Variants in STARD13 observed in about 807,000 individuals in gnomAD.
STARD13 encodes the protein stAR-related lipid transfer protein 13.
STARD13 carries 62 observed loss-of-function variants against 106.4 expected under a neutral mutation model. The ratio of observed to expected loss-of-function variants is 0.58; its 90% CI spans 0.48 to 0.72. The LOEUF (loss-of-function observed/expected upper bound fraction) is 0.72. Among genes scored for constraint, STARD13 ranks in the 30% least tolerant of loss-of-function variants. STARD13 has a pLI of 0.00. For missense variants in STARD13, 1,387 were observed against 1,424.0 expected (o/e 0.97, Z 0.42); for synonymous variants, 565 against 553.0 (o/e 1.02, Z -0.31).
intron 1 of STARD13, among the ~76,000 whole-genome samples, chr13:33,309,734 C>CATAATATT (rs1490891763): frequency 2.0e-5 from 3 of 152,154 alleles, no homozygotes; most frequent in African/African-American, 7.2e-5. Flanking sequence ...TCTTAGACTG[C>CATAATATT]ACATAATATT....
At chr13:33,149,238 A>C (rs1256569881) in intron 3 of STARD13, among the ~76,000 whole-genome samples, 2 of 152,132 alleles carry the variant, frequency 1.3e-5, no homozygotes, top group Non-Finnish European at 2.9e-5. Flanking sequence ...CATTGATTCT[A>C]GAAAATGTAC....
At chr13:33,288,060 C>A (rs771976428), upstream of STARD13, among the ~76,000 whole-genome samples, 1 of 151,762 alleles carries the variant, frequency 6.6e-6, no homozygotes, top group African/African-American at 2.4e-5. Context: ...ATGATTCTTC[C>A]TGAGAAGGAT....
chr13:33,386,369 G>A, the STARD13 span, among the ~76,000 whole-genome samples: 1 of 152,136 alleles, frequency 6.6e-6, no homozygotes, highest in African/African-American at 2.4e-5. Context: ...AGGGGCTCCA[G>A]GAAGAGAAAA....
the STARD13 span, among the ~76,000 whole-genome samples, chr13:33,395,185 C>A: frequency 2.0e-5 from 3 of 152,270 alleles, no homozygotes; most frequent in Middle Eastern, 3.4e-3. Context: ...CTCTATTTGT[C>A]AGTCATAATA....
At chr13:33,342,096 C>T (rs139471165) in intron 1 of STARD13, among the ~76,000 whole-genome samples, 53 of 152,290 alleles carry the variant, frequency 3.5e-4, no homozygotes, top group African/African-American at 1.3e-3. Flanking sequence ...TGCCAGGCCA[C>T]AAATACAAAC....
intron 13 of STARD13, among the ~76,000 whole-genome samples, chr13:33,106,070 A>G (rs982084532): frequency 6.6e-6 from 1 of 152,244 alleles, no homozygotes; most frequent in Non-Finnish European, 1.5e-5. Flanking sequence ...GGTTGGATGT[A>G]AGTTACTTAC....
At chr13:33,182,335 A>G (rs2555616) in intron 1 of STARD13, among the ~76,000 whole-genome samples, 57,076 of 152,078 alleles carry the variant, frequency 0.38, 10,875 homozygotes, top group East Asian at 0.5. Context: ...ACACAGTTCT[A>G]TGAGTCTGAC....
chr13:33,367,156 A>G, the STARD13 span, among the ~76,000 whole-genome samples: 10 of 152,216 alleles, frequency 6.6e-5, no homozygotes, highest in Non-Finnish European at 1.3e-4. Flanking sequence ...AAAACAAGGG[A>G]AAAGCATATT....
intron 1 of STARD13, among the ~76,000 whole-genome samples, chr13:33,229,472 C>T (rs1387006486): frequency 6.6e-6 from 1 of 152,248 alleles, no homozygotes; most frequent in Non-Finnish European, 1.5e-5. Flanking sequence ...TGCCCTGTAA[C>T]ATCCCTTTAT....
chr13:33,603,603 A>G, the STARD13 span, among the ~76,000 whole-genome samples: 4,650 of 152,296 alleles, frequency 0.031, 233 homozygotes, highest in African/African-American at 0.1. Context: ...ATGGATTTAG[A>G]GTACAAACTG....
At chr13:33,609,378 G>A in the STARD13 span, among the ~76,000 whole-genome samples, 285 of 152,090 alleles carry the variant, frequency 1.9e-3, 1 homozygote, top group South Asian at 0.017. Context: ...AAAGTCAAGC[G>A]GCCAGGTACC....
the STARD13 span, among the ~76,000 whole-genome samples, chr13:33,430,817 G>A: frequency 1.2e-3 from 184 of 152,206 alleles, no homozygotes; most frequent in African/African-American, 4.2e-3. Flanking sequence ...AGCCAAGCAC[G>A]GAAAGAAAAA....
At chr13:33,312,281 CT>C in intron 1 of STARD13, among the ~76,000 whole-genome samples, 1 of 152,270 alleles carries the variant, frequency 6.6e-6, no homozygotes, top group Admixed American at 6.5e-5. Flanking sequence ...GTTCCTGTTC[CT>C]CTTATTTTCT....
At chr13:33,627,971 T>TC in the STARD13 span, among the ~76,000 whole-genome samples, 18 of 147,668 alleles carry the variant, frequency 1.2e-4, no homozygotes, top group African/African-American at 4.4e-4. Context: ...TTTTCTTTCT[T>TC]TTTTTTTTTT....
At chr13:33,161,495 GGT>G (rs1882619348) in intron 3 of STARD13, among the ~76,000 whole-genome samples, 2 of 151,826 alleles carry the variant, frequency 1.3e-5, no homozygotes, top group African/African-American at 2.4e-5. Context: ...TTGTATTTTT[GGT>G]AGGAATGGTG....
intron 1 of STARD13, among the ~76,000 whole-genome samples, chr13:33,296,118 G>A (rs1892483523): frequency 6.6e-6 from 1 of 151,804 alleles, no homozygotes; most frequent in Non-Finnish European, 1.5e-5. Context: ...AATCCCAGCT[G>A]CTCACGAGGT....
intron 1 of STARD13, among the ~76,000 whole-genome samples, chr13:33,319,799 T>A (rs1432241232): frequency 6.6e-6 from 1 of 152,204 alleles, no homozygotes; most frequent in Non-Finnish European, 1.5e-5. Flanking sequence ...TTTATAAGCC[T>A]GGACAAAAAC....
chr13:33,198,855 T>A (rs1447236263), intron 1 of STARD13, among the ~76,000 whole-genome samples: 1 of 152,260 alleles, frequency 6.6e-6, no homozygotes, highest in African/African-American at 2.4e-5. Flanking sequence ...ATATTCATCC[T>A]AAATTACAAG....
At chr13:33,108,688 G>A (rs946935405) in intron 12 of STARD13, among the ~76,000 whole-genome samples, 17 of 152,146 alleles carry the variant, frequency 1.1e-4, no homozygotes, top group South Asian at 2.1e-4. Flanking sequence ...TGGGGTTGCC[G>A]GATGGATGGA....
Sources: gnomAD v4.1 joint callset for allele counts (sites outside exome capture counted in the v4.1 genomes callset) on GRCh38, gnomAD v4.1.1 for gene constraint, MANE v1.5 for transcripts, NCBI Gene and HGNC (gene_info 2026-07-23, HGNC 2026-07-21) for gene names.